Variants in MCEE observed in about 807,000 individuals in gnomAD.
MCEE encodes methylmalonyl-CoA epimerase, mitochondrial.
Under a neutral mutation model 12.9 loss-of-function variants are expected in MCEE, and 6 were observed. The ratio of observed to expected loss-of-function variants is 0.47; its 90% CI spans 0.26 to 0.92. The LOEUF is 0.92. Among genes scored for constraint, MCEE ranks in the 40% least tolerant of loss-of-function variants. The pLI is 0.16. For synonymous variants in MCEE, 78 were observed against 77.9 expected, an observed-to-expected ratio of 1.00 and a Z score of -0.01; for missense variants, 214 against 212.1, an observed-to-expected ratio of 1.01 and a Z score of -0.05.
intron 1 of MCEE, among the ~76,000 whole-genome samples, chr2:71,127,262 C>G (rs1259214843): frequency 6.6e-6 from 1 of 152,202 alleles, no homozygotes; most frequent in Non-Finnish European, 1.5e-5. Flanking sequence ...TCGTTAATCA[C>G]TTTTAGTGTC....
At chr2:71,122,183 T>C (rs997847951) in intron 2 of MCEE, among the ~76,000 whole-genome samples, 1 of 152,180 alleles carries the variant, frequency 6.6e-6, no homozygotes, top group Admixed American at 6.5e-5. Context: ...TAGAGTGCAG[T>C]GGTGTGATCA....
chr2:71,128,851 G>T (rs560706887), intron 1 of MCEE, among the ~76,000 whole-genome samples: 5 of 151,750 alleles, frequency 3.3e-5, no homozygotes, highest in Non-Finnish European at 7.4e-5. Flanking sequence ...TTAGCCGGGC[G>T]TGGTGCCGGG....
At chr2:71,116,368 C>G (rs1381005735) in intron 2 of MCEE, among the ~76,000 whole-genome samples, 3 of 149,726 alleles carry the variant, frequency 2.0e-5, no homozygotes, top group African/African-American at 7.6e-5. Flanking sequence ...CCACCATGCC[C>G]GGCCCTTTAC....
In MCEE at chr2:71,109,922, T is replaced by A. The variant is rs1315823462; in HGVS notation, c.*48A>T. ...ATGTCATAGTACATTTTGATAGTAT[T>A]TGATAGGCTTTTTCAGGTCAATTAA... On this transcript the variant is annotated 3_prime_UTR_variant, in exon 3 of 3. Transcript: ENST00000244217. 2 of 1,599,502 alleles carry A rather than the reference T, an allele frequency of 1.3e-6. No homozygotes were observed. Among genetic ancestry groups the A allele is most frequent in the East Asian group, 4.5e-5 (2 of 44,778 alleles).
chr2:71,130,025 C>A, intron 1 of MCEE, 155 bp downstream of exon 1: 1 of 766,170 alleles, frequency 1.3e-6, no homozygotes, highest in Non-Finnish European at 2.3e-6. Flanking sequence ...CTGGAAGGCA[C>A]CCTCTGCCTA....
intron 1 of MCEE, among the ~76,000 whole-genome samples, chr2:71,125,988 A>G (rs931699042): frequency 6.6e-6 from 1 of 152,066 alleles, no homozygotes; most frequent in Non-Finnish European, 1.5e-5. Flanking sequence ...AGCTGGAACC[A>G]TAGGCATGAG....
At chr2:71,128,268 C>G (rs1673280704) in intron 1 of MCEE, among the ~76,000 whole-genome samples, 1 of 152,114 alleles carries the variant, frequency 6.6e-6, no homozygotes, top group Admixed American at 6.5e-5. Flanking sequence ...TCTGATTTTT[C>G]TGTGCTTTTG....
chr2:71,129,063 T>C (rs6705098), intron 1 of MCEE, among the ~76,000 whole-genome samples: 42,744 of 151,768 alleles, frequency 0.28, 7,083 homozygotes, highest in East Asian at 0.65. Context: ...ACATTAAGCT[T>C]CAAGTATCTT....
intron 1 of MCEE, among the ~76,000 whole-genome samples, chr2:71,126,681 A>C (rs1673240735): frequency 6.6e-6 from 1 of 151,726 alleles, no homozygotes; most frequent in African/African-American, 2.4e-5. Context: ...AAAGAGACAG[A>C]GCTTTATATT....
chr2:71,125,211 A>ATTTTTTTTTT (rs1243506608), intron 1 of MCEE, among the ~76,000 whole-genome samples: 3,298 of 48,324 alleles, frequency 0.068, 435 homozygotes, highest in Admixed American at 0.12. Flanking sequence ...ATATATATAT[A>ATTTTTTTTTT]TTTTTTTTTT....
intron 2 of MCEE, among the ~76,000 whole-genome samples, chr2:71,118,780 G>A (rs1248526034): frequency 6.7e-6 from 1 of 150,048 alleles, no homozygotes; most frequent in Non-Finnish European, 1.5e-5. Context: ...TGAATTTTGA[G>A]GGGACATAAG....
At chr2:71,121,225 T>C (rs1673095488) in intron 2 of MCEE, among the ~76,000 whole-genome samples, 3 of 152,122 alleles carry the variant, frequency 2.0e-5, no homozygotes, top group Admixed American at 2.0e-4. Context: ...GCCAATGGGA[T>C]AAGGACAGAA....
intron 2 of MCEE, among the ~76,000 whole-genome samples, chr2:71,110,442 G>A (rs766872644): frequency 1.3e-4 from 20 of 152,160 alleles, no homozygotes; most frequent in Admixed American, 1.3e-4. Flanking sequence ...TGAAGACATT[G>A]CTTTTTCCTG....
At chr2:71,128,369 C>T (rs929748619) in intron 1 of MCEE, among the ~76,000 whole-genome samples, 1 of 152,060 alleles carries the variant, frequency 6.6e-6, no homozygotes, top group African/African-American at 2.4e-5. Flanking sequence ...GTATACACAC[C>T]CCCAAAGAAG....
In MCEE at chr2:71,116,530, CACAATCAGAATTCAAAACTTTTTTTT is replaced by C. The variant is rs1400133314; in HGVS notation, c.379-6434_379-6409del. 5.9e-4 allele frequency among the ~76,000 whole-genome samples: 87 copies of C among 147,214 alleles called. 9 individuals are homozygous for C. The highest frequency in any genetic ancestry group is 2.2e-3 in the African/African-American group (83 of 37,762). On this transcript the variant is annotated intron_variant, in intron 2 of 2. Coordinates refer to ENST00000244217, the MANE Select transcript of MCEE (RefSeq NM_032601.4). Reference sequence around the variant, plus strand: ...CCCGAATAAAAAATGTTTGGATTGTCACAATCAGAATTCAAAACTTTTTTTTTTTTTTTTTGAGATGGAGTCTCGCT... The same window carrying C: ...CCCGAATAAAAAATGTTTGGATTGTCTTTTTTTTTGAGATGGAGTCTCGCT...
At chr2:71,121,894 T>A (rs1673107173) in intron 2 of MCEE, among the ~76,000 whole-genome samples, 1 of 152,186 alleles carries the variant, frequency 6.6e-6, no homozygotes, top group African/African-American at 2.4e-5. Flanking sequence ...TCAGTTAATA[T>A]AATGAAGGCA....
At chr2:71,112,170 T>C (rs1249518362) in intron 2 of MCEE, among the ~76,000 whole-genome samples, 1 of 152,230 alleles carries the variant, frequency 6.6e-6, no homozygotes. Context: ...AGAGTCTCAC[T>C]CTGTCACCCA....
Position 71,124,629 on chromosome 2 carries a change from A to G in MCEE, c.41-86T>C, listed in dbSNP as rs1192190425. ...ATTTTAAAAACTAAACAAATAATGCATGCAAAAATTCATTATTTATATATC... is the reference window on the plus strand; with the variant it reads ...ATTTTAAAAACTAAACAAATAATGCGTGCAAAAATTCATTATTTATATATC... On this transcript the variant is annotated intron_variant, in intron 1 of 2. Transcript: ENST00000244217. 4.0e-6 allele frequency: 4 copies of G among 1,000,576 alleles called. No homozygotes were observed. The African/African-American group carries it at 4.8e-5, about 12-fold the overall frequency. The allele number at this position is 1,000,576 out of a possible 1,614,324, so 62.0% of individuals were successfully genotyped here. A position where few individuals can be genotyped will look rare whatever the true frequency, so the allele number is the denominator to read the frequency against.
In MCEE at chr2:71,124,346, G is replaced by C. The variant is rs1673170856; in HGVS notation, c.238C>G (p.Pro80Ala). The change falls in exon 2 of 3, where the codon CCT becomes GCT. Residue 80 changes from proline (P) to alanine (A), a missense_variant. Pro to Ala is a conservative substitution (Grantham distance 27). Transcript: ENST00000244217. ...AAAACAACAGATACTCCATGTTCAG[G>C]AAGAGGGACCGCTTCACTTACCTGG... ...GAQVSEAVPL[P>A]EHGVSVVFVN... 2 of 1,614,162 alleles carry C rather than the reference G, an allele frequency of 1.2e-6. No homozygotes were observed. Among genetic ancestry groups the C allele is most frequent in the East Asian group, 4.5e-5 (2 of 44,880 alleles).
Sources: gnomAD v4.1 joint callset for allele counts (sites outside exome capture counted in the v4.1 genomes callset) on GRCh38, gnomAD v4.1.1 for gene constraint, MANE v1.5 for transcripts, NCBI Gene and HGNC (gene_info 2026-07-23, HGNC 2026-07-21) for gene names.